Variants in SCAPER observed in about 807,000 individuals in gnomAD.
SCAPER encodes the protein S phase cyclin A-associated protein in the endoplasmic reticulum.
Under a neutral mutation model 182.2 loss-of-function variants are expected in SCAPER, and 98 were observed. The observed-to-expected ratio is 0.54, with a 90% CI of 0.46 to 0.64. The LOEUF is 0.64. Among genes scored for constraint, SCAPER ranks in the 30% least tolerant of loss-of-function variants. The pLI is 0.00. For missense variants in SCAPER, 1,432 were observed against 1,690.0 expected, an observed-to-expected ratio of 0.85 and a Z score of 2.68; for synonymous variants, 605 against 564.6, an observed-to-expected ratio of 1.07 and a Z score of -1.01.
rs1457724776 is a variant in SCAPER, at chr15:76,601,698, G to C, written c.2711+20066C>G. ...TTGCAAACTAAAAGTTTGCAGTATA[G>C]ATTTATAATTATTCCAAGTCCAGTT... On this transcript the variant is annotated intron_variant, in intron 22 of 31. Transcript: ENST00000563290. 4.9e-5 allele frequency among the ~76,000 whole-genome samples: 6 copies of C among 121,574 alleles called. 2 individuals carry two copies. The Admixed American group carries it at 5.6e-4, about 11-fold the overall frequency. 79.8% of individuals were successfully genotyped at this position (121,574 alleles called of 152,430 possible). A position where few individuals can be genotyped will look rare whatever the true frequency, so the allele number is the denominator to read the frequency against.
intron 23 of SCAPER, among the ~76,000 whole-genome samples, chr15:76,569,120 G>T (rs2454451): frequency 0.63 from 95,640 of 151,722 alleles, 30,637 homozygotes; most frequent in Middle Eastern, 0.72. Context: ...AAATATTTTT[G>T]TTGTACACAA....
intron 23 of SCAPER, among the ~76,000 whole-genome samples, chr15:76,538,514 A>G (rs2044411274): frequency 6.6e-6 from 1 of 152,190 alleles, no homozygotes; most frequent in Admixed American, 6.5e-5. Context: ...GGAATTGAAC[A>G]ATGAGAACAC....
intron 27 of SCAPER, among the ~76,000 whole-genome samples, chr15:76,386,588 G>C (rs1165017619): frequency 1.3e-5 from 2 of 152,178 alleles, no homozygotes; most frequent in African/African-American, 2.4e-5. Context: ...ACTTTACATA[G>C]GGTGGTTGGG....
chr15:76,422,681 C>T (rs182303029), intron 26 of SCAPER, among the ~76,000 whole-genome samples: 1 of 152,084 alleles, frequency 6.6e-6, no homozygotes, highest in East Asian at 1.9e-4. Flanking sequence ...TGAGAGGGGG[C>T]ATCCCTGTCT....
chr15:76,423,679 T>C (rs1022764856), intron 26 of SCAPER, among the ~76,000 whole-genome samples: 1 of 152,204 alleles, frequency 6.6e-6, no homozygotes, highest in African/African-American at 2.4e-5. Context: ...ATGTGTTTGC[T>C]CTTGCTTCTC....
At chr15:76,474,251 T>C (rs1363846419) in intron 24 of SCAPER, among the ~76,000 whole-genome samples, 2 of 152,216 alleles carry the variant, frequency 1.3e-5, no homozygotes, top group Non-Finnish European at 2.9e-5. Context: ...TATTTGTTCA[T>C]TCAAAAAATA....
At position 76,634,048 on chromosome 15, in the gene SCAPER, C is replaced by T. The variant is rs907285660; in HGVS notation, c.2646-12219G>A. On this transcript the variant is annotated intron_variant, in intron 21 of 31. Transcript: ENST00000563290. ...TCCCGTGTCTCAGTGCCTACTCGAGCAGCCGCCCACCTGAGCAGCTGCCAT... is the reference window on the plus strand; with the variant it reads ...TCCCGTGTCTCAGTGCCTACTCGAGTAGCCGCCCACCTGAGCAGCTGCCAT... 9.8e-5 allele frequency among the ~76,000 whole-genome samples: 15 copies of T among 152,374 alleles called. No individual in the cohort carries two copies. The East Asian group carries it at 2.9e-3, about 29-fold the overall frequency.
chr15:76,830,104 G>A (rs1368959612), intron 5 of SCAPER, among the ~76,000 whole-genome samples: 8 of 152,134 alleles, frequency 5.3e-5, no homozygotes, highest in African/African-American at 1.9e-4. Flanking sequence ...TGGGCAAGGA[G>A]AAGGAGGGAA....
intron 11 of SCAPER, among the ~76,000 whole-genome samples, chr15:76,766,006 A>C (rs2063089518): frequency 6.6e-6 from 1 of 152,202 alleles, no homozygotes; most frequent in South Asian, 2.1e-4. Context: ...AAGTTATTTT[A>C]TTCTTTAACA....
At chr15:76,351,175 G>C in intron 31 of SCAPER, 62 bp downstream of exon 31, 1 of 1,440,332 alleles carries the variant, frequency 6.9e-7, no homozygotes, top group Non-Finnish European at 9.5e-7. Flanking sequence ...CCAGAGGAAA[G>C]GATAAGAAAG....
intron 21 of SCAPER, among the ~76,000 whole-genome samples, chr15:76,652,369 CACATATATATATATATATATAT>C (rs1823784915): frequency 7.3e-5 from 1 of 13,702 alleles, no homozygotes; most frequent in Non-Finnish European, 1.3e-4. Context: ...CACACACACA[CACATATATATATATATATATAT>C]ATATATATAT....
At chr15:76,634,674 A>T (rs1465048510) in intron 21 of SCAPER, among the ~76,000 whole-genome samples, 1 of 152,188 alleles carries the variant, frequency 6.6e-6, no homozygotes, top group Non-Finnish European at 1.5e-5. Flanking sequence ...GGTTAAATGT[A>T]TTATTAATTA....
intron 25 of SCAPER, among the ~76,000 whole-genome samples, chr15:76,463,805 C>T (rs2049370311): frequency 6.6e-6 from 1 of 151,976 alleles, no homozygotes; most frequent in Non-Finnish European, 1.5e-5. Context: ...AATGAGGACA[C>T]ATCAATTTAG....
At chr15:76,521,126 AT>A (rs1409534512) in intron 23 of SCAPER, among the ~76,000 whole-genome samples, 2 of 152,216 alleles carry the variant, frequency 1.3e-5, no homozygotes, top group African/African-American at 4.8e-5. Context: ...GGAATTTTAG[AT>A]TAGCAAGGAA....
In SCAPER at chr15:76,434,218, A is replaced by AC; in HGVS notation, c.3170dup (p.Ser1057ArgfsTer37). 6.2e-7 allele frequency: 1 copy of AC among 1,613,966 alleles called. No individual in the cohort carries two copies. Among genetic ancestry groups the AC allele is most frequent in the Non-Finnish European group, 8.5e-7 (1 of 1,179,866 alleles). ...CAATCAGGCAGCCCAAAACCACAGCACTGACTTTGAGAAGTCCAGTTGTCA... is the reference window on the plus strand; with the variant it reads ...CAATCAGGCAGCCCAAAACCACAGCACCTGACTTTGAGAAGTCCAGTTGTCA... On this transcript the variant is annotated frameshift_variant, in exon 26 of 32. Transcript: ENST00000563290. LOFTEE classifies it high-confidence loss of function.
At chr15:76,540,663 A>G (rs1240742602) in intron 23 of SCAPER, among the ~76,000 whole-genome samples, 1 of 152,086 alleles carries the variant, frequency 6.6e-6, no homozygotes, top group Non-Finnish European at 1.5e-5. Context: ...TTTTTAACTT[A>G]TTCTATTTAC....
Position 76,883,841 on chromosome 15 carries a change from A to T in SCAPER, c.-24T>A. 6.6e-7 allele frequency: 1 copy of T among 1,523,600 alleles called. No homozygotes were observed. Among genetic ancestry groups the T allele is most frequent in the South Asian group, 1.3e-5 (1 of 78,906 alleles). 94.4% of individuals were successfully genotyped at this position (1,523,600 alleles called of 1,614,324 possible). On this transcript the variant is annotated 5_prime_UTR_variant, in exon 2 of 32. The change creates a new upstream start codon in the 5' untranslated region. Transcript: ENST00000563290. ...ATTCTTTAAATTCTCTTCTATGCCA[A>T]GATCATTTATCACATAAACCCATGG...
intron 20 of SCAPER, among the ~76,000 whole-genome samples, chr15:76,691,860 A>C (rs2147137747): frequency 6.6e-6 from 1 of 152,342 alleles, no homozygotes; most frequent in South Asian, 2.1e-4. Flanking sequence ...AAATAAATGA[A>C]ACCCAGCTTA....
chr15:76,557,967 C>T (rs1057432369), intron 23 of SCAPER, among the ~76,000 whole-genome samples: 9 of 152,056 alleles, frequency 5.9e-5, no homozygotes, highest in Non-Finnish European at 1.2e-4. Context: ...TGAAACTGGA[C>T]GCCTTTCTTA....
Sources: gnomAD v4.1 joint callset for allele counts (sites outside exome capture counted in the v4.1 genomes callset) on GRCh38, gnomAD v4.1.1 for gene constraint, MANE v1.5 for transcripts, NCBI Gene and HGNC (gene_info 2026-07-23, HGNC 2026-07-21) for gene names.